Variants in DIAPH1 observed in about 807,000 individuals in gnomAD.
DIAPH1 encodes protein diaphanous homolog 1.
Under a neutral mutation model 140.7 loss-of-function variants are expected in DIAPH1, and 46 were observed. The ratio of observed to expected loss-of-function variants is 0.33; its 90% CI spans 0.26 to 0.42. The LOEUF is 0.42. DIAPH1 is among the 10% of genes least tolerant of loss of function. DIAPH1 has a pLI of 1.00. For missense variants in DIAPH1, 1,310 were observed against 1,558.7 expected (o/e 0.84, Z 2.69); for synonymous variants, 565 against 551.6 (o/e 1.02, Z -0.34).
intron 18 of DIAPH1, among the ~76,000 whole-genome samples, chr5:141,538,713 G>A (rs1054600357): frequency 6.6e-6 from 1 of 151,970 alleles, no homozygotes. Context: ...GATAACAGGC[G>A]TGAGCCACCG....
At chr5:141,552,224 C>T (rs960574268) in intron 18 of DIAPH1, among the ~76,000 whole-genome samples, 19 of 151,556 alleles carry the variant, frequency 1.3e-4, no homozygotes, top group South Asian at 2.1e-4. Flanking sequence ...CAGTCCTACT[C>T]GGTCACCCAG....
In DIAPH1 at chr5:141,583,501, T is replaced by G. The variant is rs765035834; in HGVS notation, c.517A>C (p.Asn173His). ...SCLESLRVSL[N>H]NNPVSWVQTF... The stretch of plus-strand genomic sequence containing the variant: ...AATCCTCACCTGACAGGGTTGTTGT[T>G]GAGAGACACACGAAGGGACTCCAGG... The change falls in exon 5 of 28, where the codon AAC becomes CAC. Residue 173 changes from asparagine (N) to histidine (H), a missense_variant. By Grantham distance (68) the Asn-to-His change is moderately conservative (BLOSUM62 1). Coordinates refer to ENST00000389054, the MANE Select transcript of DIAPH1 (RefSeq NM_005219.5). The G allele has an allele frequency of 6.2e-7, 1 of 1,614,154 alleles. No homozygotes were observed. Among genetic ancestry groups the G allele is most frequent in the South Asian group, 1.1e-5 (1 of 91,080 alleles).
Position 141,573,747 on chromosome 5 carries a change from G to T in DIAPH1, c.2103C>A (p.Pro701=), listed in dbSNP as rs373613867. Residue 701 remains proline, a synonymous_variant, in exon 16 of 28, where the codon CCC becomes CCA. Coordinates refer to ENST00000389054, the MANE Select transcript of DIAPH1 (RefSeq NM_005219.5). Reference sequence around the variant, plus strand: ...CTCCAGGCAAGGGAGGAGGTGGGGGGGGAATTCCAGCACTCCCAGGCAAAG... The same window carrying T: ...CTCCAGGCAAGGGAGGAGGTGGGGGTGGAATTCCAGCACTCCCAGGCAAAG... ...PPPLPGSAGI[P]PPPPPLPGEA... 2.1e-6 allele frequency: 3 copies of T among 1,417,890 alleles called. No homozygotes were observed. Among genetic ancestry groups the T allele is most frequent in the Non-Finnish European group, 9.4e-7 (1 of 1,061,908 alleles). 87.8% of individuals were successfully genotyped at this position (1,417,890 alleles called of 1,614,324 possible). A position where few individuals can be genotyped will look rare whatever the true frequency, so the allele number is the denominator to read the frequency against.
At position 141,516,945 on chromosome 5, in the gene DIAPH1, G is replaced by A; in HGVS notation, c.3725C>T (p.Ala1242Val). The change falls in exon 28 of 28, where the codon GCC (alanine) becomes GTC (valine). Residue 1242 changes from alanine (A) to valine (V), a missense_variant. Ala to Val is a moderately conservative substitution (Grantham distance 64, BLOSUM62 0). Around this residue, in one of 3 missense-constraint regions of DIAPH1, gnomAD observed 344 missense variants for 512.2 expected, o/e 0.67. Transcript: ENST00000389054. ...LLASELTKDDAMAAVPAKVSK... is the reference protein window; with the variant it reads ...LLASELTKDDVMAAVPAKVSK... ...CACCTTGGCAGGAACAGCAGCCATG[G>A]CATCATCCTTGGTCAGCTCCGAAGC... 6.2e-7 allele frequency: 1 copy of A among 1,614,238 alleles called. No homozygotes were observed. The highest frequency in any genetic ancestry group is 1.7e-5 in the Admixed American group (1 of 60,022).
chr5:141,556,511 C>T (rs2099892602), intron 18 of DIAPH1, among the ~76,000 whole-genome samples: 1 of 152,072 alleles, frequency 6.6e-6, no homozygotes, highest in Non-Finnish European at 1.5e-5. Context: ...CAGATTATCA[C>T]GTCAGGAGAA....
chr5:141,524,083 CAGG>C, intron 27 of DIAPH1, 57 bp downstream of exon 27: 1 of 1,410,572 alleles, frequency 7.1e-7, no homozygotes, highest in Non-Finnish European at 1.0e-6. Context: ...CGCAGACTGG[CAGG>C]AGTAGAGAGC....
chr5:141,533,080 T>C (rs1223684731), intron 19 of DIAPH1, among the ~76,000 whole-genome samples: 16 of 152,234 alleles, frequency 1.1e-4, no homozygotes, highest in Admixed American at 1.0e-3. Flanking sequence ...TGTGTACTTA[T>C]TGGCTGTGTG....
chr5:141,523,794 ATATC>A (rs1480420997), intron 27 of DIAPH1, among the ~76,000 whole-genome samples: 1 of 151,452 alleles, frequency 6.6e-6, no homozygotes, highest in Non-Finnish European at 1.5e-5. Context: ...ATTTCAATCT[ATATC>A]TAATATACAT....
intron 7 of DIAPH1, among the ~76,000 whole-genome samples, chr5:141,581,207 A>G (rs960268241): frequency 6.6e-6 from 1 of 152,210 alleles, no homozygotes; most frequent in African/African-American, 2.4e-5. Flanking sequence ...AGGATGATGC[A>G]TCTACAAGAT....
rs146732339 is a variant in DIAPH1, at chr5:141,553,478, A to G, written c.2482+17950T>C. The stretch of plus-strand genomic sequence containing the variant: ...AACATGGCGAAACCCCAACTCTACT[A>G]AAAATACAAAAAATTAGCCAGGCGT... On this transcript the variant is annotated intron_variant, in intron 18 of 27. Coordinates refer to ENST00000389054, the MANE Select transcript of DIAPH1 (RefSeq NM_005219.5). Among the ~76,000 whole-genome samples the G allele has an allele frequency of 1.4e-3, 215 of 151,972 alleles. 5 individuals are homozygous for G. In the East Asian group the frequency reaches 0.033, roughly 23 times the overall value.
intron 1 of DIAPH1, among the ~76,000 whole-genome samples, chr5:141,614,736 A>G (rs1274606363): frequency 6.6e-6 from 1 of 152,084 alleles, no homozygotes; most frequent in African/African-American, 2.4e-5. Flanking sequence ...CCATTCTGTC[A>G]TCTCAAACAT....
At chr5:141,569,786 AT>A (rs1354297496) in intron 18 of DIAPH1, among the ~76,000 whole-genome samples, 3 of 152,134 alleles carry the variant, frequency 2.0e-5, no homozygotes, top group South Asian at 2.1e-4. Context: ...AATAAAAAAA[AT>A]AAAAGTAGTT....
At chr5:141,522,416 T>C (rs374734078) in intron 27 of DIAPH1, among the ~76,000 whole-genome samples, 14 of 152,072 alleles carry the variant, frequency 9.2e-5, no homozygotes, top group African/African-American at 3.4e-4. Context: ...ATTTTCTACT[T>C]GGAAAGAAGT....
rs1319280143 is a variant in DIAPH1, at chr5:141,565,158, T to C, written c.2482+6270A>G. The C allele has an allele frequency of 6.6e-6, 1 of 152,200 alleles. No homozygotes were observed. Among genetic ancestry groups the C allele is most frequent in the African/African-American group, 2.4e-5 (1 of 41,458 alleles). 9.4% of individuals were successfully genotyped at this position (152,200 alleles called of 1,614,324 possible). The stretch of plus-strand genomic sequence containing the variant: ...TATCAGAAATAATGACACAAATCTA[T>C]ATGTAAGGACATCGAGATGCTAAAA... On this transcript the variant is annotated intron_variant, in intron 18 of 27. Transcript: ENST00000389054. This position sits in a 1 kb window ranked among gnomAD's most constrained non-coding sequence, Gnocchi z 4.3.
chr5:141,570,521 C>G (rs2099895017), intron 18 of DIAPH1, among the ~76,000 whole-genome samples: 1 of 152,046 alleles, frequency 6.6e-6, no homozygotes, highest in Non-Finnish European at 1.5e-5. Flanking sequence ...ACATATGTAA[C>G]TAGGGGCCAC....
chr5:141,554,986 G>T (rs1032746829), intron 18 of DIAPH1, among the ~76,000 whole-genome samples: 1 of 152,074 alleles, frequency 6.6e-6, no homozygotes, highest in Non-Finnish European at 1.5e-5. Context: ...TAACTGGAAG[G>T]GGGGTACATA....
chr5:141,557,082 A>C (rs2099892719), intron 18 of DIAPH1, among the ~76,000 whole-genome samples: 3 of 152,362 alleles, frequency 2.0e-5, no homozygotes, highest in African/African-American at 7.2e-5. Context: ...TAGAGACATC[A>C]ACCAACTGCA....
intron 18 of DIAPH1, among the ~76,000 whole-genome samples, chr5:141,554,964 G>C (rs754710769): frequency 2.0e-5 from 3 of 152,126 alleles, no homozygotes; most frequent in Non-Finnish European, 4.4e-5. Flanking sequence ...GTTGGGGGTG[G>C]AGGTTCAGTT....
At chr5:141,589,801 T>G (rs2099898114) in intron 1 of DIAPH1, among the ~76,000 whole-genome samples, 1 of 152,158 alleles carries the variant, frequency 6.6e-6, no homozygotes, top group Non-Finnish European at 1.5e-5. Context: ...TTACCCCTCC[T>G]GCCCCCCCAA....
Sources: gnomAD v4.1 joint callset for allele counts (sites outside exome capture counted in the v4.1 genomes callset) on GRCh38, gnomAD v4.1.1 for gene constraint, gnomAD v4.1.1 regional missense constraint, Gnocchi (gnomAD v3.1) non-coding constraint, MANE v1.5 for transcripts, NCBI Gene and HGNC (gene_info 2026-07-23, HGNC 2026-07-21) for gene names.